IKBKE: variants seen among roughly 807,000 people sequenced by gnomAD.
IKBKE encodes inhibitor of nuclear factor kappa-B kinase subunit epsilon.
In IKBKE, 45 loss-of-function variants were observed where a neutral mutation model predicts 92.1. That is an observed-to-expected ratio of 0.49 (90% CI 0.38 to 0.63). The LOEUF is 0.63. Among genes scored for constraint, IKBKE ranks in the 20% least tolerant of loss-of-function variants. IKBKE has a pLI of 0.00. For missense variants in IKBKE, 700 were observed against 932.8 expected (o/e 0.75, Z 3.25); for synonymous variants, 374 against 380.3 (o/e 0.98, Z 0.19).
Position 206,476,156 on chromosome 1 carries a change from T to C in IKBKE, c.359-25T>C. On this transcript the variant is annotated intron_variant, in intron 5 of 21. Coordinates refer to ENST00000581977, the MANE Select transcript of IKBKE (RefSeq NM_014002.4). The surrounding 1 kb of genome is among the most constrained non-coding windows in gnomAD (Gnocchi z 5.1). Reference sequence around the variant, plus strand: ...TAGACTGTCCCCGACCAGAGCCAGCTAGTGGCCTCCCCGTCTGTCCCCAGT... The same window carrying C: ...TAGACTGTCCCCGACCAGAGCCAGCCAGTGGCCTCCCCGTCTGTCCCCAGT... 6.2e-7 allele frequency: 1 copy of C among 1,612,690 alleles called. No individual in the cohort carries two copies. The highest frequency in any genetic ancestry group is 8.5e-7 in the Non-Finnish European group (1 of 1,179,462).
At chr1:206,479,462 G>A (rs1032152931) in intron 10 of IKBKE, among the ~76,000 whole-genome samples, 5 of 152,188 alleles carry the variant, frequency 3.3e-5, no homozygotes, top group Admixed American at 6.5e-5. Flanking sequence ...AGAAGCCCAA[G>A]TCTGAGCTCC....
intron 18 of IKBKE, chr1:206,492,692 G>A: frequency 1.9e-6 from 1 of 525,366 alleles, no homozygotes; most frequent in Non-Finnish European, 3.8e-6. Flanking sequence ...GAGAGCCCTG[G>A]TGTGGGCTAT....
chr1:206,493,355 T>C lies in IKBKE; in HGVS notation c.2022T>C (p.Pro674=). ...SPPPIAPYPS[P]TRKDLLLHMQ... ...CTCCCATAGCTCCTTACCCCAGCCC[T>C]ACACGAAAGGACCTGCTTCTCCAGT... The change falls in exon 20 of 22, where the codon CCT becomes CCC. Residue 674 remains proline (P), a synonymous_variant. Transcript: ENST00000581977. The C allele has an allele frequency of 6.2e-7, 1 of 1,613,802 alleles. No homozygotes were observed. Among genetic ancestry groups the C allele is most frequent in the East Asian group, 2.2e-5 (1 of 44,890 alleles).
Position 206,478,890 on chromosome 1 carries a change from G to C in IKBKE, c.993-53G>C. 1 of 1,424,242 alleles carries C rather than the reference G, an allele frequency of 7.0e-7. No homozygotes were observed. 88.2% of individuals were successfully genotyped at this position (1,424,242 alleles called of 1,614,324 possible). ...GGGGCTTAGGTCACCCTAGCCCCCT[G>C]CCTTGCCTACTGACACCCCCTGCCC... On this transcript the variant is annotated intron_variant, in intron 9 of 21. Transcript: ENST00000581977. This position sits in a 1 kb window ranked among gnomAD's most constrained non-coding sequence, Gnocchi z 4.8.
chr1:206,496,316 G>C lies in IKBKE; in HGVS notation c.*171G>C. ...TTACCTTCCACTGCCTTTCTCCCTG[G>C]GAAGCAGCACAGCTGAGACTGGGCA... On this transcript the variant is annotated 3_prime_UTR_variant, in exon 22 of 22. Transcript: ENST00000581977. 1.6e-6 allele frequency: 1 copy of C among 634,014 alleles called. No individual in the cohort carries two copies. Among genetic ancestry groups the C allele is most frequent in the Admixed American group, 2.4e-5 (1 of 41,620 alleles). The allele number at this position is 634,014 out of a possible 1,614,324, so 39.3% of individuals were successfully genotyped here. A position where few individuals can be genotyped will look rare whatever the true frequency, so the allele number is the denominator to read the frequency against.
rs782670085 is a variant in IKBKE, at chr1:206,493,990, C to T, written c.2116C>T (p.Arg706Trp). 11 of 1,613,578 alleles carry T rather than the reference C, an allele frequency of 6.8e-6. No homozygotes were observed. The highest frequency in any genetic ancestry group is 1.6e-4 in the Middle Eastern group (1 of 6,080). The change falls in exon 21 of 22, where the codon CGG becomes TGG. Residue 706 changes from arginine (R) to tryptophan (W), a missense_variant and splice_region_variant. Coordinates refer to ENST00000581977, the MANE Select transcript of IKBKE (RefSeq NM_014002.4). The stretch of plus-strand genomic sequence containing the variant: ...CCTGGACAACAACCGCATCATCGAA[C>T]GGTAAGGAGCTTTCACCTTGTGTAG... ...DLLDNNRIIE[R>W]LNRVPAPPDV
rs782223266 is a variant in IKBKE at position 206,479,876 on chromosome 1, T to G, written c.1190T>G (p.Leu397Arg). 6 of 1,613,766 alleles carry G rather than the reference T, an allele frequency of 3.7e-6. No homozygotes were observed. In the South Asian group the frequency reaches 6.6e-5, roughly 18 times the overall value. Reference sequence around the variant, plus strand: ...ACAGGGTCTTTGTCTGCAGCTGCTCTGGACGTCCCCAAGTTCGTCCCCAAA... The same window carrying G: ...ACAGGGTCTTTGTCTGCAGCTGCTCGGGACGTCCCCAAGTTCGTCCCCAAA... ...PKGLAFRDPA[L>R]DVPKFVPKVD... The change falls in exon 11 of 22, where the codon CTG becomes CGG. Residue 397 changes from leucine to arginine, a missense_variant. By Grantham distance (102) the Leu-to-Arg change is moderately radical. Coordinates refer to ENST00000581977, the MANE Select transcript of IKBKE (RefSeq NM_014002.4).
At chr1:206,474,265 TC>T in intron 3 of IKBKE, 65 bp from the exon 4 acceptor site, 1 of 1,496,776 alleles carries the variant, frequency 6.7e-7, no homozygotes, top group East Asian at 2.3e-5. Flanking sequence ...GGGTGGCTGC[TC>T]CCCTGTGGGA....
Position 206,476,112 on chromosome 1 carries a change from C to T in IKBKE, c.359-69C>T, listed in dbSNP as rs572985787. 1.3e-5 allele frequency: 19 copies of T among 1,494,420 alleles called. No homozygotes were observed. In the East Asian group the frequency reaches 2.1e-4, roughly 16 times the overall value. The allele number at this position is 1,494,420 out of a possible 1,614,324, so 92.6% of individuals were successfully genotyped here. A position where few individuals can be genotyped will look rare whatever the true frequency, so the allele number is the denominator to read the frequency against. ...CTGGATGCAAGGACAGCCTTCCCACCAAGATGAGCCTCAGACACTAGACTG... is the reference window on the plus strand; with the variant it reads ...CTGGATGCAAGGACAGCCTTCCCACTAAGATGAGCCTCAGACACTAGACTG... On this transcript the variant is annotated intron_variant, in intron 5 of 21. Transcript: ENST00000581977. The surrounding 1 kb of genome is among the most constrained non-coding windows in gnomAD (Gnocchi z 5.1).
At chr1:206,477,673 C>T in intron 7 of IKBKE, 76 bp from the exon 8 acceptor site, 1 of 837,722 alleles carries the variant, frequency 1.2e-6, no homozygotes, top group Non-Finnish European at 1.9e-6. Context: ...GTGCTCCGAG[C>T]CCTTTGTGCT....
chr1:206,472,951 G>A, intron 2 of IKBKE: 1 of 447,786 alleles, frequency 2.2e-6, no homozygotes, highest in Non-Finnish European at 4.0e-6. Context: ...AGGACAGGCA[G>A]CAGGTGGAAC....
chr1:206,496,046 C>T (rs1458643906), intron 21 of IKBKE, 66 bp from the exon 22 acceptor site: 1 of 1,246,242 alleles, frequency 8.0e-7, no homozygotes, highest in East Asian at 2.3e-5. Context: ...TTGTGCTGGG[C>T]CCTGGAGTGT....
chr1:206,493,864 G>A, intron 20 of IKBKE, 56 bp from the exon 21 acceptor site: 1 of 1,468,340 alleles, frequency 6.8e-7, no homozygotes, highest in Non-Finnish European at 9.5e-7. Context: ...CAGGAAAAGG[G>A]TCTGGGCAGG....
At chr1:206,493,460 G>A in intron 20 of IKBKE, 82 bp downstream of exon 20, 1 of 1,069,840 alleles carries the variant, frequency 9.3e-7, no homozygotes, top group South Asian at 1.3e-5. Context: ...TAGAGCCTGA[G>A]GGGTTTGGCG....
chr1:206,494,646 C>G (rs1207804485), intron 21 of IKBKE, among the ~76,000 whole-genome samples: 1 of 141,184 alleles, frequency 7.1e-6, no homozygotes, highest in Non-Finnish European at 1.5e-5. Flanking sequence ...CTCTGTCACC[C>G]AGGCTGGAGT....
chr1:206,474,677 A>G (rs987890166), intron 4 of IKBKE, 188 bp from the exon 5 acceptor site: 11 of 805,764 alleles, frequency 1.4e-5, no homozygotes, highest in Middle Eastern at 6.8e-4. Flanking sequence ...ACCTAAGCAG[A>G]GGGCTTCCTG....
rs1285539440 is a variant in IKBKE at position 206,487,743 on chromosome 1, G to A, written c.1617-171G>A. Among the ~76,000 whole-genome samples, 1 of 152,122 alleles carries A rather than the reference G, an allele frequency of 6.6e-6. No individual in the cohort carries two copies. The highest frequency in any genetic ancestry group is 1.5e-5 in the Non-Finnish European group (1 of 68,018). ...CGAGAGACGGCTGGCTGACTGTACG[G>A]GGTCTCAAATAAGCCTAGAGACGGG... On this transcript the variant is annotated intron_variant, in intron 15 of 21. Coordinates refer to ENST00000581977, the MANE Select transcript of IKBKE (RefSeq NM_014002.4). This position sits in a 1 kb window ranked among gnomAD's most constrained non-coding sequence, Gnocchi z 5.3.
chr1:206,494,576 C>G (rs1012297777), intron 21 of IKBKE, among the ~76,000 whole-genome samples: 2 of 148,484 alleles, frequency 1.3e-5, no homozygotes, highest in Admixed American at 1.3e-4. Context: ...ATTTTGCATA[C>G]CAGTAAAAGT....
intron 21 of IKBKE, among the ~76,000 whole-genome samples, chr1:206,494,592 CTTTTTTT>C (rs58971788): frequency 6.3e-5 from 4 of 63,906 alleles, no homozygotes; most frequent in African/African-American, 2.3e-4. Context: ...AAAGTTCTTT[CTTTTTTT>C]TTTTTTTTTT....
Sources: allele counts gnomAD v4.1 joint callset (sites outside exome capture counted in the v4.1 genomes callset), GRCh38; gene constraint gnomAD v4.1.1; non-coding constraint Gnocchi (gnomAD v3.1); transcripts MANE v1.5; gene names NCBI Gene and HGNC (gene_info 2026-07-23, HGNC 2026-07-21).